METTL15: variants seen among roughly 807,000 people sequenced by gnomAD.
METTL15 encodes 12S rRNA N(4)-cytidine methyltransferase METTL15.
Under a neutral mutation model 38.3 loss-of-function variants are expected in METTL15, and 34 were observed. The observed-to-expected ratio is 0.89, with a 90% CI of 0.68 to 1.18. METTL15 has a LOEUF of 1.18. Ranked by LOEUF, METTL15 falls within the 50% of genes most tolerant of loss-of-function variation. METTL15 has a pLI of 0.00. For missense variants in METTL15, 438 were observed against 498.4 expected, an observed-to-expected ratio of 0.88 and a Z score of 1.15; for synonymous variants, 162 against 170.9, an observed-to-expected ratio of 0.95 and a Z score of 0.41.
intron 5 of METTL15, among the ~76,000 whole-genome samples, chr11:28,390,441 A>G (rs1457855113): frequency 6.6e-6 from 1 of 152,032 alleles, no homozygotes; most frequent in Non-Finnish European, 1.5e-5. Context: ...TCAGCTTTCT[A>G]CATATGGCTA....
At chr11:28,476,256 T>C (rs968384775) in intron 6 of METTL15, among the ~76,000 whole-genome samples, 3 of 152,174 alleles carry the variant, frequency 2.0e-5, no homozygotes, top group East Asian at 3.9e-4. Context: ...GACAGAAATA[T>C]CAGGCTGCTG....
intron 6 of METTL15, among the ~76,000 whole-genome samples, chr11:28,320,241 A>G (rs1413396070): frequency 3.4e-5 from 5 of 149,194 alleles, no homozygotes; most frequent in South Asian, 2.1e-4. Flanking sequence ...AATCACTCCA[A>G]TATATTTTAG....
intron 3 of METTL15, among the ~76,000 whole-genome samples, chr11:28,201,172 G>C (rs1021287124): frequency 3.3e-5 from 5 of 152,076 alleles, no homozygotes; most frequent in African/African-American, 1.2e-4. Context: ...ATAATCATGT[G>C]GTTTTTGTCA....
Position 28,374,358 on chromosome 11 carries a change from C to A in METTL15, c.*358+12322C>A, listed in dbSNP as rs1396741219. 3.3e-5 allele frequency among the ~76,000 whole-genome samples: 5 copies of A among 152,064 alleles called. No individual in the cohort carries two copies. In the East Asian group the frequency reaches 9.7e-4, roughly 29 times the overall value. On this transcript the variant is annotated intron_variant and NMD_transcript_variant, in intron 5 of 7. Transcript: ENST00000532947. Reference sequence around the variant, plus strand: ...TATTTCATTGAGCAGCGGTTTGTAGCTCTCCTTGAAGAGGTCCTTCACATC... The same window carrying A: ...TATTTCATTGAGCAGCGGTTTGTAGATCTCCTTGAAGAGGTCCTTCACATC...
At chr11:28,323,028 A>G (rs987442590) in intron 6 of METTL15, among the ~76,000 whole-genome samples, 19 of 152,186 alleles carry the variant, frequency 1.2e-4, no homozygotes, top group East Asian at 1.9e-4. Context: ...TCTTATAAGT[A>G]TATGTATATA....
intron 3 of METTL15, among the ~76,000 whole-genome samples, chr11:28,116,581 G>A (rs1851968399): frequency 6.6e-6 from 1 of 152,094 alleles, no homozygotes; most frequent in South Asian, 2.1e-4. Flanking sequence ...GTTGGATCAG[G>A]CAGTTTTCAT....
intron 3 of METTL15, among the ~76,000 whole-genome samples, chr11:28,200,033 G>T (rs1217337924): frequency 1.3e-5 from 2 of 152,106 alleles, no homozygotes; most frequent in East Asian, 1.9e-4. Context: ...GTTTATCATA[G>T]TGAGTGCTGG....
At chr11:28,163,667 A>G (rs899526099) in intron 3 of METTL15, 4 of 389,146 alleles carry the variant, frequency 1.0e-5, no homozygotes, top group African/African-American at 8.3e-5. Context: ...CAATTGCCCC[A>G]AAATGGCTTA....
intron 4 of METTL15, among the ~76,000 whole-genome samples, chr11:28,273,471 A>C (rs1268880015): frequency 1.3e-5 from 2 of 152,086 alleles, no homozygotes. Flanking sequence ...GAATTAAAAG[A>C]AATTGTTAAA....
At chr11:28,142,614 C>T (rs963511364) in intron 3 of METTL15, among the ~76,000 whole-genome samples, 1 of 152,132 alleles carries the variant, frequency 6.6e-6, no homozygotes, top group South Asian at 2.1e-4. Context: ...TTTTATTTAA[C>T]GTGAAAGCCC....
chr11:28,491,024 T>G (rs1232261086), intron 6 of METTL15, among the ~76,000 whole-genome samples: 1 of 152,180 alleles, frequency 6.6e-6, no homozygotes, highest in African/African-American at 2.4e-5. Flanking sequence ...CTCAATATTA[T>G]CTTTACACAT....
chr11:28,493,497 G>C (rs1851513311), intron 6 of METTL15, among the ~76,000 whole-genome samples: 2 of 152,154 alleles, frequency 1.3e-5, no homozygotes, highest in Non-Finnish European at 2.9e-5. Flanking sequence ...TTCTTAACCA[G>C]TGTGCTCTAG....
chr11:28,398,334 A>G (rs551218379), intron 5 of METTL15, among the ~76,000 whole-genome samples: 4 of 152,256 alleles, frequency 2.6e-5, no homozygotes, highest in South Asian at 2.1e-4. Context: ...CCTCTTCAGC[A>G]TCTGTTGTTT....
chr11:28,434,054 G>A (rs1034125813), intron 6 of METTL15, among the ~76,000 whole-genome samples: 1 of 152,152 alleles, frequency 6.6e-6, no homozygotes, highest in Non-Finnish European at 1.5e-5. Flanking sequence ...ATCTCATCTT[G>A]AATTGTAGTT....
chr11:28,409,171 T>A (rs181424064), intron 5 of METTL15, among the ~76,000 whole-genome samples: 38 of 151,794 alleles, frequency 2.5e-4, no homozygotes, highest in East Asian at 7.8e-4. Context: ...TCACGAGGTC[T>A]GGAGATCGAG....
intron 3 of METTL15, among the ~76,000 whole-genome samples, chr11:28,149,743 T>G (rs1319105932): frequency 6.6e-6 from 1 of 151,850 alleles, no homozygotes; most frequent in Non-Finnish European, 1.5e-5. Flanking sequence ...ACTTTGGAAT[T>G]TATCTGCTTC....
At chr11:28,240,757 A>G (rs1466807241) in intron 4 of METTL15, among the ~76,000 whole-genome samples, 2 of 152,180 alleles carry the variant, frequency 1.3e-5, no homozygotes, top group Non-Finnish European at 2.9e-5. Flanking sequence ...ATTTCTTATC[A>G]GATGTTAAGA....
intron 3 of METTL15, among the ~76,000 whole-genome samples, chr11:28,174,034 T>C (rs1850959111): frequency 6.6e-6 from 1 of 152,212 alleles, no homozygotes; most frequent in Non-Finnish European, 1.5e-5. Flanking sequence ...ATTGTAAAGT[T>C]ACTCATTTTT....
chr11:28,328,245 C>T (rs775416686), intron 6 of METTL15: 1 of 1,344,216 alleles, frequency 7.4e-7, no homozygotes, highest in Non-Finnish European at 1.0e-6. Flanking sequence ...GATAAATCCC[C>T]TAGTGTCTAA....
Sources: gnomAD v4.1 joint callset for allele counts (sites outside exome capture counted in the v4.1 genomes callset) on GRCh38, gnomAD v4.1.1 for gene constraint, MANE v1.5 for transcripts, NCBI Gene and HGNC (gene_info 2026-07-23, HGNC 2026-07-21) for gene names.